The following FBXW12 variants were observed in gnomAD, a reference collection of about 807,000 sequenced individuals.
FBXW12 encodes F-box and WD repeat domain containing 12.
Under a neutral mutation model 55.3 loss-of-function variants are expected in FBXW12, and 43 were observed. The observed-to-expected ratio is 0.78, with a 90% CI of 0.61 to 1.00. The LOEUF is 1.00. FBXW12 is among the 50% of genes least tolerant of loss of function. The pLI, the probability that FBXW12 is intolerant of heterozygous loss-of-function variation, is 0.00. For synonymous variants in FBXW12, 184 were observed against 203.8 expected, an observed-to-expected ratio of 0.90 and a Z score of 0.83; for missense variants, 524 against 560.5, an observed-to-expected ratio of 0.93 and a Z score of 0.66.
chr3:48,372,632 T>C, intron 1 of FBXW12, 52 bp from the exon 2 acceptor site: 1 of 1,569,552 alleles, frequency 6.4e-7, no homozygotes, highest in Non-Finnish European at 8.7e-7. Context: ...TCTGCACACC[T>C]GCAGCTTGTT....
chr3:48,373,341 T>G lies in FBXW12; in HGVS notation c.124T>G (p.Trp42Gly). ...WNRIADSDYL[W>G]RSLSLQRWDC... ...TAGGATTGCAGACAGTGATTACCTG[T>G]GGAGGTAAGGGAAGGGAAAGGGCAA... The change falls in exon 3 of 11, where the codon TGG (tryptophan) becomes GGG (glycine). Residue 42 changes from tryptophan to glycine, a missense_variant. Coordinates refer to ENST00000296438, the MANE Select transcript of FBXW12 (RefSeq NM_207102.2). 3 of 1,613,824 alleles carry G rather than the reference T, an allele frequency of 1.9e-6. No homozygotes were observed. The highest frequency in any genetic ancestry group is 2.2e-5 in the East Asian group (1 of 44,882).
intron 4 of FBXW12, among the ~76,000 whole-genome samples, chr3:48,374,149 C>T (rs908434063): frequency 2.0e-5 from 3 of 152,014 alleles, no homozygotes; most frequent in Non-Finnish European, 2.9e-5. Flanking sequence ...TGAGACCCCC[C>T]CTCCATCTCT....
At chr3:48,382,265 T>G (rs897185017) in intron 10 of FBXW12, among the ~76,000 whole-genome samples, 180 bp downstream of exon 10, 1 of 152,098 alleles carries the variant, frequency 6.6e-6, no homozygotes, top group African/African-American at 2.4e-5. Flanking sequence ...TACAGGCATG[T>G]GCCACCACAC....
At chr3:48,380,565 C>T in intron 7 of FBXW12, 137 bp from the exon 8 acceptor site, 1 of 649,496 alleles carries the variant, frequency 1.5e-6, no homozygotes, top group Non-Finnish European at 2.8e-6. Context: ...AAGCAGTGAC[C>T]ACTCATCACT....
chr3:48,373,040 A>G (rs780273383), intron 2 of FBXW12, among the ~76,000 whole-genome samples, 183 bp downstream of exon 2: 40 of 152,186 alleles, frequency 2.6e-4, no homozygotes, highest in Middle Eastern at 3.2e-3. Context: ...TGTGCTGACT[A>G]AACAGTCCTT....
At chr3:48,373,857 G>T in intron 4 of FBXW12, 152 bp downstream of exon 4, 1 of 655,762 alleles carries the variant, frequency 1.5e-6, no homozygotes, top group Non-Finnish European at 2.6e-6. Context: ...ATAGCCATGT[G>T]ATATCTCCCT....
In FBXW12 at chr3:48,382,080, A is replaced by T. The variant is rs771084276; in HGVS notation, c.1290A>T (p.Thr430=). The part of the protein sequence containing the change: ...HLENTWHDHT[T]DSCISSVMCD... ...AAAACACGTGGCATGATCACACAAC[A>T]GACAGGTAAGCTCTGTTTTGTGATG... Residue 430 remains threonine, a synonymous_variant, in exon 10 of 11, where the codon ACA becomes ACT. Coordinates refer to ENST00000296438, the MANE Select transcript of FBXW12 (RefSeq NM_207102.2). 1 of 1,613,660 alleles carries T rather than the reference A, an allele frequency of 6.2e-7. No individual in the cohort carries two copies. The highest frequency in any genetic ancestry group is 1.3e-5 in the African/African-American group (1 of 74,902).
chr3:48,378,265 C>T, intron 5 of FBXW12, 52 bp from the exon 6 acceptor site: 1 of 1,359,524 alleles, frequency 7.4e-7, no homozygotes, highest in Non-Finnish European at 1.1e-6. Context: ...AATGAAAGCA[C>T]AGTAGGTGTA....
intron 10 of FBXW12, among the ~76,000 whole-genome samples, chr3:48,388,426 G>C (rs975104100): frequency 1.3e-5 from 2 of 152,064 alleles, no homozygotes; most frequent in Non-Finnish European, 2.9e-5. Context: ...GTATTTTGCA[G>C]CTCTGTAACT....
In FBXW12 at chr3:48,373,652, G is replaced by A. The variant is rs956832243; in HGVS notation, c.233G>A (p.Arg78Gln). The A allele has an allele frequency of 5.0e-6, 8 of 1,614,026 alleles. No individual in the cohort carries two copies. The African/African-American group carries it at 5.3e-5, about 11-fold the overall frequency. The change falls in exon 4 of 11, where the codon CGG (arginine) becomes CAG (glutamine). Residue 78 changes from arginine to glutamine, a missense_variant. Transcript: ENST00000296438. ...CTGCATCAAAGAAGGAAGGAGCTTC[G>A]GTTGGCATTGGCACAGCCGCATAAC... ...FFLHQRRKEL[R>Q]LALAQPHNFI...
chr3:48,384,591 G>A (rs2036819589), intron 10 of FBXW12, among the ~76,000 whole-genome samples: 1 of 152,096 alleles, frequency 6.6e-6, no homozygotes, highest in Admixed American at 6.5e-5. Context: ...TCCTTCCATT[G>A]GATGAAAAGT....
chr3:48,392,610 T>C (rs2036945546), intron 10 of FBXW12, among the ~76,000 whole-genome samples: 1 of 152,230 alleles, frequency 6.6e-6, no homozygotes, highest in African/African-American at 2.4e-5. Context: ...CCTTCTACAC[T>C]GTGTGCTTTA....
intron 8 of FBXW12, among the ~76,000 whole-genome samples, chr3:48,381,201 T>G (rs2036765673): frequency 6.6e-6 from 1 of 152,048 alleles, no homozygotes; most frequent in African/African-American, 2.4e-5. Context: ...TTTTTGTATT[T>G]TTAGTAGAGA....
At chr3:48,383,891 A>G (rs80137884) in intron 10 of FBXW12, among the ~76,000 whole-genome samples, 2,508 of 152,266 alleles carry the variant, frequency 0.016, 59 homozygotes, top group African/African-American at 0.053. Context: ...TAGTTTTGAG[A>G]CTTTCTCTTT....
chr3:48,373,844 G>C, intron 4 of FBXW12, 139 bp downstream of exon 4: 2 of 742,140 alleles, frequency 2.7e-6, no homozygotes, highest in East Asian at 2.6e-5. Flanking sequence ...CTGGGTTGCC[G>C]TGATAGCCAT....
At chr3:48,379,684 G>T in intron 7 of FBXW12, 126 bp downstream of exon 7, 1 of 730,332 alleles carries the variant, frequency 1.4e-6, no homozygotes, top group Non-Finnish European at 2.4e-6. Flanking sequence ...CACATCACAA[G>T]GGGAATCCAT....
intron 7 of FBXW12, among the ~76,000 whole-genome samples, chr3:48,380,400 C>T (rs1212522041): frequency 3.3e-5 from 5 of 152,102 alleles, no homozygotes; most frequent in Non-Finnish European, 7.4e-5. Context: ...ACTTGTTCCC[C>T]AAGAAGGGAA....
At chr3:48,374,927 G>A (rs2107152861) in intron 4 of FBXW12, among the ~76,000 whole-genome samples, 1 of 151,878 alleles carries the variant, frequency 6.6e-6, no homozygotes, top group Middle Eastern at 3.4e-3. Flanking sequence ...CTGCCAACAT[G>A]CTAATTTTTG....
chr3:48,393,879 A>T (rs1479507697), intron 10 of FBXW12, among the ~76,000 whole-genome samples: 5 of 151,534 alleles, frequency 3.3e-5, no homozygotes, highest in Non-Finnish European at 7.4e-5. Flanking sequence ...CCCGGGTTCA[A>T]GCAATTCTCC....
Sources: allele counts gnomAD v4.1 joint callset (sites outside exome capture counted in the v4.1 genomes callset), GRCh38; gene constraint gnomAD v4.1.1; transcripts MANE v1.5; gene names NCBI Gene and HGNC (gene_info 2026-07-23, HGNC 2026-07-21).